The following CHRM3 variants were observed in gnomAD, a reference collection of about 807,000 sequenced individuals.
CHRM3 encodes muscarinic acetylcholine receptor M3.
Under a neutral mutation model 41.8 loss-of-function variants are expected in CHRM3, and 11 were observed. The ratio of observed to expected loss-of-function variants is 0.26; its 90% CI spans 0.17 to 0.44. The LOEUF (loss-of-function observed/expected upper bound fraction) is 0.44. Ranked by LOEUF, CHRM3 falls within the 20% of genes least tolerant of loss-of-function variation. CHRM3 has a pLI of 1.00. For synonymous variants in CHRM3, 297 were observed against 301.4 expected (o/e 0.99, Z 0.15); for missense variants, 571 against 745.4 (o/e 0.77, Z 2.72).
In CHRM3 at chr1:239,907,732, A is replaced by C; in HGVS notation, c.281A>C (p.Lys94Thr). The stretch of plus-strand genomic sequence containing the variant: ...AACATCCTGGTAATTGTGTCATTTA[A>C]GGTCAACAAGCAGCTGAAGACGGTC... ...IGNILVIVSF[K>T]VNKQLKTVNN... is the part of the protein sequence containing the mutation. The change falls in exon 7 of 7, where the codon AAG (lysine) becomes ACG (threonine). Residue 94 changes from lysine (K) to threonine (T), a missense_variant. By Grantham distance (78) the Lys-to-Thr change is moderately conservative. Transcript: ENST00000676153. The surrounding 1 kb of genome is among the most constrained non-coding windows in gnomAD (Gnocchi z 5.4). 1 of 1,614,192 alleles carries C rather than the reference A, an allele frequency of 6.2e-7. No individual in the cohort carries two copies. The highest frequency in any genetic ancestry group is 1.7e-5 in the Admixed American group (1 of 60,030).
intron 2 of CHRM3, among the ~76,000 whole-genome samples, chr1:239,532,138 G>T (rs1297971784): frequency 7.2e-6 from 1 of 139,176 alleles, no homozygotes; most frequent in South Asian, 2.4e-4. Context: ...TCAGCCTCCC[G>T]AGTAGCTGGG....
At chr1:239,647,215 A>G (rs1671814909) in intron 4 of CHRM3, among the ~76,000 whole-genome samples, 1 of 152,054 alleles carries the variant, frequency 6.6e-6, no homozygotes, top group Non-Finnish European at 1.5e-5. Context: ...CAATTCCTTC[A>G]TCTTCTCTTC....
intron 4 of CHRM3, among the ~76,000 whole-genome samples, chr1:239,676,225 G>A (rs1358524761): frequency 6.6e-6 from 1 of 152,212 alleles, no homozygotes; most frequent in Non-Finnish European, 1.5e-5. Context: ...AGGCTTGAGA[G>A]AAGCTCATAG....
chr1:239,874,799 A>G (rs1238167179), intron 6 of CHRM3, among the ~76,000 whole-genome samples: 1 of 151,846 alleles, frequency 6.6e-6, no homozygotes, highest in Non-Finnish European at 1.5e-5. Context: ...CCCAGGTTCA[A>G]GAGACTGTCC....
chr1:239,755,792 T>C (rs1159979024), intron 5 of CHRM3, among the ~76,000 whole-genome samples: 2 of 152,122 alleles, frequency 1.3e-5, no homozygotes, highest in African/African-American at 4.8e-5. Flanking sequence ...TTGCAGCACA[T>C]TTTACAAGCT....
chr1:239,643,891 G>A lies in CHRM3; in HGVS notation c.-250+11605G>A, dbSNP rs1466301688. Among the ~76,000 whole-genome samples the A allele has an allele frequency of 2.0e-5, 3 of 152,182 alleles. No individual in the cohort carries two copies. The South Asian group carries it at 6.2e-4, about 32-fold the overall frequency. On this transcript the variant is annotated intron_variant, in intron 4 of 6. Coordinates refer to ENST00000676153, the MANE Select transcript of CHRM3 (RefSeq NM_001375978.1). ...ACACTGGGAGCTGTAGACTGGAGCT[G>A]TTCCTATTCGGCCATCTTCTCATCA...
chr1:239,590,466 C>A (rs1270647446), intron 3 of CHRM3, among the ~76,000 whole-genome samples: 1 of 152,088 alleles, frequency 6.6e-6, no homozygotes, highest in African/African-American at 2.4e-5. Context: ...GGAAATATAG[C>A]CAGTTCTCCT....
At chr1:239,827,463 A>T (rs568493652) in intron 6 of CHRM3, 85 bp downstream of exon 6, 35 of 152,298 alleles carry the variant, frequency 2.3e-4, no homozygotes, top group African/African-American at 8.2e-4. Flanking sequence ...TATTCTGGCC[A>T]CTGTTGATTA....
intron 5 of CHRM3, among the ~76,000 whole-genome samples, chr1:239,820,482 G>C (rs1353639047): frequency 6.6e-6 from 1 of 152,136 alleles, no homozygotes; most frequent in Non-Finnish European, 1.5e-5. Context: ...CTTGGAAAAA[G>C]GACCAGAGGT....
At chr1:239,888,814 C>T (rs928555957) in intron 6 of CHRM3, among the ~76,000 whole-genome samples, 10 of 152,064 alleles carry the variant, frequency 6.6e-5, no homozygotes, top group African/African-American at 1.2e-4. Flanking sequence ...GGGATCTTAA[C>T]GCTACTTCTT....
intron 2 of CHRM3, among the ~76,000 whole-genome samples, chr1:239,541,150 TC>T (rs1658737143): frequency 6.6e-6 from 1 of 152,196 alleles, no homozygotes; most frequent in Non-Finnish European, 1.5e-5. Context: ...GTGTGGGTTT[TC>T]TCCAGGTACT....
At chr1:239,834,674 C>T (rs555548895) in intron 6 of CHRM3, among the ~76,000 whole-genome samples, 33 of 152,274 alleles carry the variant, frequency 2.2e-4, no homozygotes, top group Admixed American at 2.0e-3. Flanking sequence ...GTGTAGCTGT[C>T]TTTCTGAGTA....
At chr1:239,390,809 A>C (rs1658966591) in intron 1 of CHRM3, among the ~76,000 whole-genome samples, 1 of 152,016 alleles carries the variant, frequency 6.6e-6, no homozygotes, top group Non-Finnish European at 1.5e-5. Flanking sequence ...GACAGTATAG[A>C]TCTCCATTAG....
chr1:239,825,331 A>G (rs1049611418), intron 5 of CHRM3, among the ~76,000 whole-genome samples: 4 of 152,222 alleles, frequency 2.6e-5, no homozygotes, highest in African/African-American at 9.6e-5. Context: ...TGATGATTAT[A>G]TGCACAATAC....
At position 239,908,999 on chromosome 1, in the gene CHRM3, T is replaced by C. The variant is rs1247175852; in HGVS notation, c.1548T>C (p.Phe516=). ...PYNIMVLVNT[F]CDSCIPKTFW... is the part of the protein sequence containing the mutation. ...ACATCATGGTTCTGGTGAACACCTTTTGTGACAGCTGCATACCCAAAACCT... is the reference window on the plus strand; with the variant it reads ...ACATCATGGTTCTGGTGAACACCTTCTGTGACAGCTGCATACCCAAAACCT... Residue 516 remains phenylalanine, a synonymous_variant, in exon 7 of 7, where the codon TTT becomes TTC. Transcript: ENST00000676153. The surrounding 1 kb of genome is among the most constrained non-coding windows in gnomAD (Gnocchi z 7.2). 3.1e-6 allele frequency: 5 copies of C among 1,614,166 alleles called. No homozygotes were observed. Among genetic ancestry groups the C allele is most frequent in the South Asian group, 1.1e-5 (1 of 91,078 alleles).
intron 6 of CHRM3, among the ~76,000 whole-genome samples, chr1:239,839,412 T>C (rs1208031450): frequency 6.6e-6 from 1 of 152,220 alleles, no homozygotes; most frequent in African/African-American, 2.4e-5. Context: ...AGATCTCTGT[T>C]GGGCTTTTGG....
At chr1:239,482,077 T>A (rs1348206023) in intron 1 of CHRM3, among the ~76,000 whole-genome samples, 1 of 152,174 alleles carries the variant, frequency 6.6e-6, no homozygotes. Context: ...TCATTTTCTC[T>A]TCTTTTATAT....
At chr1:239,740,871 G>A (rs1664789753) in intron 5 of CHRM3, among the ~76,000 whole-genome samples, 1 of 152,146 alleles carries the variant, frequency 6.6e-6, no homozygotes, top group African/African-American at 2.4e-5. Context: ...GTTGGAGGGT[G>A]TTTTTATAAA....
chr1:239,696,985 GTCTT>G (rs1376212249), intron 5 of CHRM3, among the ~76,000 whole-genome samples: 1 of 152,192 alleles, frequency 6.6e-6, no homozygotes, highest in Non-Finnish European at 1.5e-5. Flanking sequence ...ACAAGCTTAA[GTCTT>G]TATTGTGTTT....
Sources: gnomAD v4.1 joint callset for allele counts (sites outside exome capture counted in the v4.1 genomes callset) on GRCh38, gnomAD v4.1.1 for gene constraint, Gnocchi (gnomAD v3.1) non-coding constraint, MANE v1.5 for transcripts, NCBI Gene and HGNC (gene_info 2026-07-23, HGNC 2026-07-21) for gene names.